The following PCDHGA4 variants were observed in gnomAD, a reference collection of about 807,000 sequenced individuals.
PCDHGA4 encodes the protein protocadherin gamma subfamily A, 4.
A neutral mutation model predicts 54.6 loss-of-function variants in PCDHGA4; 38 were observed. That is an observed-to-expected ratio of 0.70 (90% CI 0.54 to 0.91). The LOEUF is 0.91. PCDHGA4 is among the 40% of genes least tolerant of loss of function. The pLI is 0.00. For synonymous variants in PCDHGA4, 511 were observed against 512.9 expected (o/e 1.00, Z 0.05); for missense variants, 1,298 against 1,220.9 (o/e 1.06, Z -0.94).
chr5:141,432,014 A>G lies in PCDHGA4; in HGVS notation c.2515-62793A>G, dbSNP rs778393699. The G allele has an allele frequency of 1.5e-5, 25 of 1,614,078 alleles. No individual in the cohort carries two copies. The highest frequency in any genetic ancestry group is 2.0e-5 in the Non-Finnish European group (24 of 1,180,036). ...GGATAGGGAACAGGTTCCTAGCTAC[A>G]ACATCACAGTGACCGCCACTGACCG... On this transcript the variant is annotated intron_variant, in intron 1 of 3. Coordinates refer to ENST00000571252, the MANE Select transcript of PCDHGA4 (RefSeq NM_018917.4). This position sits in a 1 kb window ranked among gnomAD's most constrained non-coding sequence, Gnocchi z 6.0.
intron 1 of PCDHGA4, among the ~76,000 whole-genome samples, chr5:141,467,743 C>T (rs1166073224): frequency 8.5e-5 from 13 of 152,052 alleles, no homozygotes; most frequent in Non-Finnish European, 1.8e-4. Flanking sequence ...CTCGCTGCAA[C>T]CTCCGCCTCA....
chr5:141,486,522 A>G lies in PCDHGA4; in HGVS notation c.2515-8285A>G. 1 of 1,614,174 alleles carries G rather than the reference A, an allele frequency of 6.2e-7. No homozygotes were observed. Among genetic ancestry groups the G allele is most frequent in the Non-Finnish European group, 8.5e-7 (1 of 1,180,024 alleles). On this transcript the variant is annotated intron_variant, in intron 1 of 3. Transcript: ENST00000571252. The surrounding 1 kb of genome is among the most constrained non-coding windows in gnomAD (Gnocchi z 5.0). The stretch of plus-strand genomic sequence containing the variant: ...TTCCTCAATATTTCAGATGTGAATG[A>G]TAATCCACCCTCTTTCTTTCAGAGG...
chr5:141,364,635 G>T, intron 1 of PCDHGA4: 1 of 1,614,158 alleles, frequency 6.2e-7, no homozygotes, highest in South Asian at 1.1e-5. Context: ...AGCCCACTGT[G>T]TGTGGTGAAC....
At chr5:141,478,295 T>C (rs1210224121) in intron 1 of PCDHGA4, 5 of 1,614,004 alleles carry the variant, frequency 3.1e-6, no homozygotes, top group African/African-American at 2.7e-5. Flanking sequence ...TAGAGACCTA[T>C]ACCGAGCCCC....
Position 141,431,260 on chromosome 5 carries a change from G to C in PCDHGA4, c.2515-63547G>C, listed in dbSNP as rs762250032. On this transcript the variant is annotated intron_variant, in intron 1 of 3. Coordinates refer to ENST00000571252, the MANE Select transcript of PCDHGA4 (RefSeq NM_018917.4). The surrounding 1 kb of genome is among the most constrained non-coding windows in gnomAD (Gnocchi z 4.8). The stretch of plus-strand genomic sequence containing the variant: ...ATCCGGATATCGGGAAGAACTCTCT[G>C]CAGAGCTACGAGCTCAGCCCGAACA... 6.2e-7 allele frequency: 1 copy of C among 1,614,170 alleles called. No homozygotes were observed. Among genetic ancestry groups the C allele is most frequent in the Non-Finnish European group, 8.5e-7 (1 of 1,180,052 alleles).
chr5:141,364,522 C>G (rs1763375621), intron 1 of PCDHGA4: 1 of 1,613,942 alleles, frequency 6.2e-7, no homozygotes, highest in Non-Finnish European at 8.5e-7. Flanking sequence ...AGCGCGGAGT[C>G]CGCATCGTCT....
chr5:141,368,497 A>G (rs575171402), intron 1 of PCDHGA4, among the ~76,000 whole-genome samples: 1 of 152,306 alleles, frequency 6.6e-6, no homozygotes, highest in East Asian at 1.9e-4. Flanking sequence ...TCTATACAGT[A>G]GGTGTCGACA....
At chr5:141,437,529 C>T (rs1205365959) in intron 1 of PCDHGA4, among the ~76,000 whole-genome samples, 1 of 152,102 alleles carries the variant, frequency 6.6e-6, no homozygotes, top group African/African-American at 2.4e-5. Flanking sequence ...GACAAATGAG[C>T]AAATTGTATC....
chr5:141,412,559 G>C (rs1408913988), intron 1 of PCDHGA4: 2 of 152,100 alleles, frequency 1.3e-5, no homozygotes, highest in African/African-American at 4.8e-5. Context: ...TATCTCATGA[G>C]TTTATTTAAT....
intron 3 of PCDHGA4, among the ~76,000 whole-genome samples, chr5:141,506,363 C>T (rs1013247178): frequency 4.0e-5 from 6 of 150,792 alleles, no homozygotes; most frequent in South Asian, 4.2e-4. Context: ...GCAGGAGAAT[C>T]GCTTGAACCT....
At chr5:141,422,307 C>T in intron 1 of PCDHGA4, 4 of 1,547,552 alleles carry the variant, frequency 2.6e-6, no homozygotes, top group South Asian at 1.3e-5. Flanking sequence ...TTCTGGAAAA[C>T]TCTCCTCCAG....
intron 1 of PCDHGA4, among the ~76,000 whole-genome samples, chr5:141,436,383 G>C (rs1374382672): frequency 6.6e-6 from 1 of 152,104 alleles, no homozygotes; most frequent in Admixed American, 6.5e-5. Context: ...AGCTGAATAG[G>C]CTTTATTAAA....
At chr5:141,375,474 A>G (rs369592332) in intron 1 of PCDHGA4, 1 of 1,613,772 alleles carries the variant, frequency 6.2e-7, no homozygotes, top group African/African-American at 1.3e-5. Flanking sequence ...GTCCTTGAAA[A>G]CAACCCCAGG....
rs1254680765 is a variant in PCDHGA4 at position 141,491,399 on chromosome 5, A to G, written c.2515-3408A>G. ...CTGTCAGCGAAGTGCCTTCAGGGAA[A>G]CGCAGACGGGGACGGGGGTGGAGGG... On this transcript the variant is annotated intron_variant, in intron 1 of 3. Transcript: ENST00000571252. This position sits in a 1 kb window ranked among gnomAD's most constrained non-coding sequence, Gnocchi z 6.9. 3 of 1,613,998 alleles carry G rather than the reference A, an allele frequency of 1.9e-6. No homozygotes were observed. Among genetic ancestry groups the G allele is most frequent in the Non-Finnish European group, 2.5e-6 (3 of 1,180,028 alleles).
rs367698678 is a variant in PCDHGA4 at position 141,374,080 on chromosome 5, A to G, written c.2514+16459A>G. The G allele has an allele frequency of 6.6e-6, 10 of 1,519,950 alleles. No individual in the cohort carries two copies. In the African/African-American group the frequency reaches 1.4e-4, roughly 21 times the overall value. 94.2% of individuals were successfully genotyped at this position (1,519,950 alleles called of 1,614,324 possible). A position where few individuals can be genotyped will look rare whatever the true frequency, so the allele number is the denominator to read the frequency against. On this transcript the variant is annotated intron_variant, in intron 1 of 3. Coordinates refer to ENST00000571252, the MANE Select transcript of PCDHGA4 (RefSeq NM_018917.4). The stretch of plus-strand genomic sequence containing the variant: ...ATCCCAGAGAAGTTCCTAATAAGCC[A>G]GTAATGGCGCCTCCGCAGAGGCATC...
At chr5:141,392,665 T>C (rs1169450587) in intron 1 of PCDHGA4, 3 of 818,380 alleles carry the variant, frequency 3.7e-6, no homozygotes, top group Non-Finnish European at 5.4e-6. Context: ...TGCCACAAAC[T>C]AACTGCTGGA....
rs1223431294 is a variant in PCDHGA4, at chr5:141,490,280, C to T, written c.2515-4527C>T. ...GATGTGGGGGATGTCAATGACAATG[C>T]CCCAGAGGTGCTATTGGCCTCTTTG... On this transcript the variant is annotated intron_variant, in intron 1 of 3. Transcript: ENST00000571252. The surrounding 1 kb of genome is among the most constrained non-coding windows in gnomAD (Gnocchi z 5.4). The T allele has an allele frequency of 5.6e-6, 9 of 1,614,216 alleles. No individual in the cohort carries two copies. In the East Asian group the frequency reaches 1.8e-4, roughly 32 times the overall value.
intron 1 of PCDHGA4, chr5:141,395,843 A>T (rs570175269): frequency 2.0e-5 from 3 of 152,044 alleles, no homozygotes; most frequent in Non-Finnish European, 4.4e-5. Flanking sequence ...TTGGTGGGAG[A>T]TGAGACTGGT....
chr5:141,420,089 A>G lies in PCDHGA4; in HGVS notation c.2514+62468A>G. On this transcript the variant is annotated intron_variant, in intron 1 of 3. Transcript: ENST00000571252. The stretch of plus-strand genomic sequence containing the variant: ...CGGACCTGTGGGTCCCCCCAACTAC[A>G]GTGAGGGAACGTTGCCCTATGCCTA... 2.5e-6 allele frequency: 4 copies of G among 1,613,986 alleles called. No individual in the cohort carries two copies. Among genetic ancestry groups the G allele is most frequent in the Middle Eastern group, 1.6e-4 (1 of 6,062 alleles).
Sources: allele counts gnomAD v4.1 joint callset (sites outside exome capture counted in the v4.1 genomes callset), GRCh38; gene constraint gnomAD v4.1.1; non-coding constraint Gnocchi (gnomAD v3.1); transcripts MANE v1.5; gene names NCBI Gene and HGNC (gene_info 2026-07-23, HGNC 2026-07-21).